The following CHRM5 variants were observed in gnomAD, a reference collection of about 807,000 sequenced individuals.
The protein encoded by CHRM5 is muscarinic acetylcholine receptor M5.
CHRM5 carries 18 observed loss-of-function variants against 39.0 expected under a neutral mutation model. The ratio of observed to expected loss-of-function variants is 0.46; its 90% CI spans 0.32 to 0.68. The LOEUF is 0.68. Among genes scored for constraint, CHRM5 ranks in the 30% least tolerant of loss-of-function variants. The pLI is 0.04. For missense variants in CHRM5, 515 were observed against 651.1 expected (o/e 0.79, Z 2.28); for synonymous variants, 241 against 246.3 (o/e 0.98, Z 0.20).
intron 1 of CHRM5, among the ~76,000 whole-genome samples, chr15:33,983,176 A>C (rs1163865621): frequency 1.7e-5 from 2 of 118,096 alleles, no homozygotes; most frequent in Non-Finnish European, 3.3e-5. Flanking sequence ...GTGTGTATAT[A>C]TACACACGTG....
intron 1 of CHRM5, among the ~76,000 whole-genome samples, chr15:34,033,767 A>C (rs1385250155): frequency 6.6e-6 from 1 of 152,170 alleles, no homozygotes; most frequent in Non-Finnish European, 1.5e-5. Flanking sequence ...AAATCTTCAC[A>C]CTACTAAAGA....
At chr15:34,042,034 G>A (rs1013397523) in intron 1 of CHRM5, among the ~76,000 whole-genome samples, 2 of 152,140 alleles carry the variant, frequency 1.3e-5, no homozygotes, top group African/African-American at 2.4e-5. Flanking sequence ...TTCCTAATTA[G>A]CGGACACAAC....
intron 1 of CHRM5, among the ~76,000 whole-genome samples, chr15:33,972,682 T>C (rs978696274): frequency 2.6e-5 from 4 of 152,230 alleles, no homozygotes; most frequent in Non-Finnish European, 5.9e-5. Flanking sequence ...AAAGCTCCTT[T>C]TACAAACACA....
chr15:34,057,797 A>T (rs1900210656), intron 2 of CHRM5, among the ~76,000 whole-genome samples: 1 of 152,222 alleles, frequency 6.6e-6, no homozygotes, highest in Non-Finnish European at 1.5e-5. Context: ...CCTTGTTTCT[A>T]ATAAATTAAT....
chr15:34,058,132 C>A (rs8035849), intron 2 of CHRM5, among the ~76,000 whole-genome samples: 50,079 of 151,862 alleles, frequency 0.33, 9,089 homozygotes, highest in African/African-American at 0.47. Flanking sequence ...TTCCCTTAAC[C>A]CCTTCAAATG....
chr15:34,024,385 T>G (rs1312337039), intron 1 of CHRM5, among the ~76,000 whole-genome samples: 1 of 149,830 alleles, frequency 6.7e-6, no homozygotes, highest in Non-Finnish European at 1.5e-5. Flanking sequence ...CGTGGTGGCT[T>G]ACACCTATAA....
At chr15:34,052,730 G>T (rs1899972476) in intron 2 of CHRM5, among the ~76,000 whole-genome samples, 1 of 152,128 alleles carries the variant, frequency 6.6e-6, no homozygotes, top group African/African-American at 2.4e-5. Flanking sequence ...AATCGTGAAT[G>T]AATTCCCATT....
intron 1 of CHRM5, among the ~76,000 whole-genome samples, chr15:34,025,963 A>G (rs1460093616): frequency 6.6e-6 from 1 of 152,128 alleles, no homozygotes; most frequent in Non-Finnish European, 1.5e-5. Context: ...TGTCTTCCCT[A>G]TTTTTATAAT....
At chr15:33,995,915 T>C (rs987369982) in intron 1 of CHRM5, among the ~76,000 whole-genome samples, 1 of 152,248 alleles carries the variant, frequency 6.6e-6, no homozygotes, top group Non-Finnish European at 1.5e-5. Context: ...TCAGGGGATT[T>C]CCCTTTCCTA....
rs1490393670 is a variant in CHRM5, at chr15:34,050,322, T to A, written c.-76+3451T>A. On this transcript the variant is annotated intron_variant, in intron 2 of 2. Transcript: ENST00000383263. ...GGAATTTGTCACCATTGGGCCTGCC[T>A]TGCAAGAGCTCCTGAAGCTTCCATA... Among the ~76,000 whole-genome samples the A allele has an allele frequency of 2.0e-5, 3 of 152,176 alleles. No individual in the cohort carries two copies. The South Asian group carries it at 6.2e-4, about 32-fold the overall frequency.
chr15:33,998,666 A>G (rs2140605889), intron 1 of CHRM5, among the ~76,000 whole-genome samples: 1 of 152,308 alleles, frequency 6.6e-6, no homozygotes, highest in East Asian at 1.9e-4. Context: ...AAGATCACCA[A>G]TAACCTTCCT....
chr15:33,995,861 C>G lies in CHRM5; in HGVS notation c.-408+26711C>G, dbSNP rs117904895. Reference sequence around the variant, plus strand: ...GTGGGTGCAGGCCACGGAGGGCGAGCTGAAGCGGGGCGGGGCGCTGCCTCA... The same window carrying G: ...GTGGGTGCAGGCCACGGAGGGCGAGGTGAAGCGGGGCGGGGCGCTGCCTCA... On this transcript the variant is annotated intron_variant, in intron 1 of 2. Transcript: ENST00000383263. 5.8e-3 allele frequency among the ~76,000 whole-genome samples: 882 copies of G among 152,322 alleles called. 21 individuals carry two copies. The highest frequency in any genetic ancestry group is 0.042 in the Admixed American group (637 of 15,294).
In CHRM5 at chr15:34,051,813, C is replaced by A. The variant is rs56802714; in HGVS notation, c.-76+4942C>A. Among the ~76,000 whole-genome samples, 4,578 of 151,984 alleles carry A rather than the reference C, an allele frequency of 0.03. 328 individuals carry two copies. The East Asian group carries it at 0.31, about 10-fold the overall frequency. On this transcript the variant is annotated intron_variant, in intron 2 of 2. Coordinates refer to ENST00000383263, the MANE Select transcript of CHRM5 (RefSeq NM_012125.4). ...AGAAGAAACTGAATCCCTTAATAGA[C>A]CAATAATGAGTTCTGAAATTGAGGC... is the stretch of plus-strand genomic sequence containing the variant.
chr15:34,017,875 C>T (rs903077123), intron 1 of CHRM5, among the ~76,000 whole-genome samples: 2 of 152,132 alleles, frequency 1.3e-5, no homozygotes, highest in South Asian at 2.1e-4. Flanking sequence ...ACCATATTTA[C>T]AACAGTGGTC....
intron 1 of CHRM5, among the ~76,000 whole-genome samples, chr15:34,030,368 C>T (rs907820823): frequency 2.0e-5 from 3 of 152,018 alleles, no homozygotes; most frequent in African/African-American, 7.2e-5. Flanking sequence ...TTGTTTGAGA[C>T]GGAGTCTTGC....
At chr15:34,038,649 CGCGCAGGCGCCGGCGCCGCCGCCCGTCTG>C (rs1899281460) in intron 1 of CHRM5, 3 of 845,454 alleles carry the variant, frequency 3.5e-6, no homozygotes, top group Non-Finnish European at 4.4e-6. Context: ...CCGCCCGTCC[CGCGCAGGCGCCGGCGCCGCCGCCCGTCTG>C]GCGCGCGCCT....
rs1383513917 is a variant in CHRM5, at chr15:34,000,033, T to A, written c.-408+30883T>A. ...CACTGGCCTTCCTTGCGATTCCCTATCCTCCTATCTCAAAGCCTTTGAGCT... is the reference window on the plus strand; with the variant it reads ...CACTGGCCTTCCTTGCGATTCCCTAACCTCCTATCTCAAAGCCTTTGAGCT... On this transcript the variant is annotated intron_variant, in intron 1 of 2. Transcript: ENST00000383263. Among the ~76,000 whole-genome samples the A allele has an allele frequency of 2.0e-5, 3 of 152,148 alleles. No homozygotes were observed. The East Asian group carries it at 5.8e-4, about 29-fold the overall frequency.
At chr15:34,022,438 G>A (rs1278871769) in intron 1 of CHRM5, among the ~76,000 whole-genome samples, 2 of 152,120 alleles carry the variant, frequency 1.3e-5, no homozygotes, top group Non-Finnish European at 2.9e-5. Context: ...CAGCAAAGGC[G>A]CCTACAGAAG....
intron 1 of CHRM5, among the ~76,000 whole-genome samples, chr15:34,013,881 G>A (rs1346733149): frequency 2.0e-5 from 3 of 152,078 alleles, no homozygotes; most frequent in Non-Finnish European, 2.9e-5. Context: ...GTAGACTCAC[G>A]GCCTGAGATG....
Sources: gnomAD v4.1 joint callset for allele counts (sites outside exome capture counted in the v4.1 genomes callset) on GRCh38, gnomAD v4.1.1 for gene constraint, MANE v1.5 for transcripts, NCBI Gene and HGNC (gene_info 2026-07-23, HGNC 2026-07-21) for gene names.